The following NXPH1 variants were observed in gnomAD, a reference collection of about 807,000 sequenced individuals.
NXPH1 encodes the protein neurexophilin-1.
NXPH1 carries 5 observed loss-of-function variants against 23.7 expected under a neutral mutation model. The observed-to-expected ratio is 0.21, with a 90% CI of 0.11 to 0.44. The LOEUF (loss-of-function observed/expected upper bound fraction) is 0.44, where lower values mean the gene tolerates loss of function less well. Among genes scored for constraint, NXPH1 ranks in the 20% least tolerant of loss-of-function variants. NXPH1 has a pLI of 0.99. For missense variants in NXPH1, 324 were observed against 321.6 expected, an observed-to-expected ratio of 1.01 and a Z score of -0.06; for synonymous variants, 144 against 122.2, an observed-to-expected ratio of 1.18 and a Z score of -1.18.
chr7:8,711,386 T>C (rs945815265), intron 2 of NXPH1, among the ~76,000 whole-genome samples: 6 of 152,240 alleles, frequency 3.9e-5, no homozygotes, highest in Admixed American at 2.0e-4. Context: ...GGATTTACTA[T>C]ATCCTTTCTA....
intron 2 of NXPH1, among the ~76,000 whole-genome samples, chr7:8,503,242 A>G (rs2128612824): frequency 6.6e-6 from 1 of 152,156 alleles, no homozygotes; most frequent in Middle Eastern, 3.4e-3. Context: ...TATTTTATAG[A>G]TAAGGAAACT....
At chr7:8,674,842 T>C (rs10258593) in intron 2 of NXPH1, among the ~76,000 whole-genome samples, 10,628 of 152,202 alleles carry the variant, frequency 0.07, 1,258 homozygotes, top group African/African-American at 0.24. Context: ...CCACACATCA[T>C]TGTGATGAGG....
chr7:8,447,006 A>C (rs1416604311), intron 2 of NXPH1, among the ~76,000 whole-genome samples: 4 of 152,060 alleles, frequency 2.6e-5, no homozygotes, highest in Non-Finnish European at 4.4e-5. Flanking sequence ...GGCTAGATGC[A>C]CTGCTGATGC....
intron 2 of NXPH1, among the ~76,000 whole-genome samples, chr7:8,449,247 C>G (rs541348590): frequency 6.6e-6 from 1 of 152,326 alleles, no homozygotes; most frequent in East Asian, 1.9e-4. Context: ...CTCTCATATG[C>G]TGCTAAAAAT....
chr7:8,515,435 T>A (rs560422265), intron 2 of NXPH1, among the ~76,000 whole-genome samples: 1 of 152,290 alleles, frequency 6.6e-6, no homozygotes, highest in African/African-American at 2.4e-5. Flanking sequence ...CACAGCTAAA[T>A]TGTGGATACT....
chr7:8,538,535 G>A (rs1048379152), intron 2 of NXPH1, among the ~76,000 whole-genome samples: 1 of 151,860 alleles, frequency 6.6e-6, no homozygotes, highest in Non-Finnish European at 1.5e-5. Context: ...CAACCTCAAA[G>A]AGATGTAGTA....
At chr7:8,621,108 T>A (rs1369103706) in intron 2 of NXPH1, among the ~76,000 whole-genome samples, 2 of 152,152 alleles carry the variant, frequency 1.3e-5, no homozygotes, top group African/African-American at 2.4e-5. Context: ...CATGTTATAA[T>A]GGAAAGAAAA....
intron 2 of NXPH1, among the ~76,000 whole-genome samples, chr7:8,717,921 G>A (rs1040633503): frequency 7.7e-6 from 1 of 130,156 alleles, no homozygotes; most frequent in Non-Finnish European, 1.7e-5. Context: ...TACACAACAT[G>A]TAGATATGCA....
chr7:8,743,672 C>A (rs1013893880), intron 2 of NXPH1, among the ~76,000 whole-genome samples: 2 of 147,944 alleles, frequency 1.4e-5, no homozygotes, highest in African/African-American at 2.5e-5. Context: ...AGTGTGGCAA[C>A]TCTTTTTTTT....
At chr7:8,667,980 A>G (rs1487660544) in intron 2 of NXPH1, among the ~76,000 whole-genome samples, 1 of 92,738 alleles carries the variant, frequency 1.1e-5, no homozygotes, top group Non-Finnish European at 2.3e-5. Context: ...GATGTTCTCT[A>G]TTGTATTTTG....
intron 2 of NXPH1, among the ~76,000 whole-genome samples, chr7:8,661,366 C>T (rs568279855): frequency 9.9e-5 from 15 of 152,260 alleles, no homozygotes; most frequent in African/African-American, 3.4e-4. Context: ...TTTGGCTCAC[C>T]ACACTCAGAC....
At chr7:8,619,489 G>A (rs749203041) in intron 2 of NXPH1, among the ~76,000 whole-genome samples, 1 of 152,126 alleles carries the variant, frequency 6.6e-6, no homozygotes, top group Non-Finnish European at 1.5e-5. Context: ...ATCCTTTAAA[G>A]TAATGGGATC....
chr7:8,715,770 A>G (rs969565333), intron 2 of NXPH1, among the ~76,000 whole-genome samples: 1 of 152,166 alleles, frequency 6.6e-6, no homozygotes, highest in Non-Finnish European at 1.5e-5. Flanking sequence ...GCAAAAGACT[A>G]CGGGTGTGGG....
At chr7:8,516,913 C>T (rs139251041) in intron 2 of NXPH1, among the ~76,000 whole-genome samples, 26 of 152,220 alleles carry the variant, frequency 1.7e-4, no homozygotes, top group African/African-American at 6.0e-4. Context: ...GATGTGTGGT[C>T]TGGCCATCTT....
At chr7:8,468,407 G>A (rs1401885530) in intron 2 of NXPH1, among the ~76,000 whole-genome samples, 6 of 152,016 alleles carry the variant, frequency 3.9e-5, no homozygotes, top group South Asian at 2.1e-4. Context: ...AATGCTGACC[G>A]TTAGATAAAA....
intron 2 of NXPH1, among the ~76,000 whole-genome samples, chr7:8,595,869 C>T (rs933851906): frequency 5.3e-5 from 8 of 151,860 alleles, no homozygotes; most frequent in Non-Finnish European, 1.0e-4. Flanking sequence ...ATTTGAGGCT[C>T]GGTTTTACAG....
chr7:8,751,834 C>G lies in NXPH1; in HGVS notation c.*65C>G. The G allele has an allele frequency of 6.9e-7, 1 of 1,442,676 alleles. No individual in the cohort carries two copies. The highest frequency in any genetic ancestry group is 9.3e-7 in the Non-Finnish European group (1 of 1,080,266). The allele number at this position is 1,442,676 out of a possible 1,614,324, so 89.4% of individuals were successfully genotyped here. A position where few individuals can be genotyped will look rare whatever the true frequency, so the allele number is the denominator to read the frequency against. ...AGGTCATATGACAGGGCTGTTACCT[C>G]AAAGAAGAAGGTCACATCTGTTGCC... On this transcript the variant is annotated 3_prime_UTR_variant, in exon 3 of 3. Transcript: ENST00000405863. The surrounding 1 kb of genome is among the most constrained non-coding windows in gnomAD (Gnocchi z 4.5).
At chr7:8,564,407 T>C (rs6956624) in intron 2 of NXPH1, among the ~76,000 whole-genome samples, 4 of 151,664 alleles carry the variant, frequency 2.6e-5, no homozygotes, top group African/African-American at 9.7e-5. Context: ...CTTTCTCCTC[T>C]GGATGTGACA....
intron 2 of NXPH1, among the ~76,000 whole-genome samples, chr7:8,691,522 T>G (rs1237697388): frequency 1.3e-5 from 2 of 152,156 alleles, no homozygotes; most frequent in Non-Finnish European, 2.9e-5. Context: ...TTGGTAAACA[T>G]GATTTTTTTA....
Sources: allele counts gnomAD v4.1 joint callset (sites outside exome capture counted in the v4.1 genomes callset), GRCh38; gene constraint gnomAD v4.1.1; non-coding constraint Gnocchi (gnomAD v3.1); transcripts MANE v1.5; gene names NCBI Gene and HGNC (gene_info 2026-07-23, HGNC 2026-07-21).